SMCO4: variants seen among roughly 807,000 people sequenced by gnomAD.
SMCO4 encodes single-pass membrane protein with coiled-coil domains 4.
In SMCO4, 4 loss-of-function variants were observed where a neutral mutation model predicts 3.6. The ratio of observed to expected loss-of-function variants is 1.11; its 90% CI spans 0.54 to 2.53. The LOEUF is 2.53. Ranked by LOEUF, SMCO4 falls within the 30% of genes most tolerant of loss-of-function variation. SMCO4 has a pLI of 0.02. For synonymous variants in SMCO4, 36 were observed against 35.3 expected (o/e 1.02, Z -0.07); for missense variants, 70 against 80.8 (o/e 0.87, Z 0.51).
At chr11:93,528,271 T>C (rs964216576) in intron 1 of SMCO4, among the ~76,000 whole-genome samples, 5 of 152,222 alleles carry the variant, frequency 3.3e-5, no homozygotes, top group African/African-American at 1.2e-4. Context: ...CTGCCTTACT[T>C]ATAAATACAA....
chr11:93,537,629 T>C (rs189151631), intron 1 of SMCO4, among the ~76,000 whole-genome samples: 22 of 151,562 alleles, frequency 1.5e-4, no homozygotes, highest in Non-Finnish European at 2.8e-4. Flanking sequence ...GTTCAAGAGG[T>C]AGGCATGACA....
intron 1 of SMCO4, among the ~76,000 whole-genome samples, chr11:93,524,138 C>A (rs971555300): frequency 6.6e-6 from 1 of 152,146 alleles, no homozygotes; most frequent in Admixed American, 6.5e-5. Flanking sequence ...ACACATTGAG[C>A]CTGGGTGATC....
At chr11:93,480,154 C>A (rs2658798) in intron 2 of SMCO4, among the ~76,000 whole-genome samples, 2 of 152,024 alleles carry the variant, frequency 1.3e-5, no homozygotes, top group East Asian at 1.9e-4. Context: ...TGATTTAAAT[C>A]GAGTTTACTT....
chr11:93,518,469 C>T (rs561305862), intron 1 of SMCO4, among the ~76,000 whole-genome samples: 1 of 152,316 alleles, frequency 6.6e-6, no homozygotes, highest in South Asian at 2.1e-4. Context: ...GAGTATATAA[C>T]TAGGATGGAG....
chr11:93,540,948 C>T (rs75003423), intron 1 of SMCO4, among the ~76,000 whole-genome samples: 1,625 of 152,272 alleles, frequency 0.011, 31 homozygotes, highest in African/African-American at 0.037. Flanking sequence ...AATACCACTA[C>T]CTCAAACTCA....
intron 1 of SMCO4, among the ~76,000 whole-genome samples, chr11:93,523,532 G>A (rs543924953): frequency 6.6e-6 from 1 of 152,218 alleles, no homozygotes; most frequent in Admixed American, 6.5e-5. Context: ...GGTGGCACAT[G>A]CCTGTAGTCC....
chr11:93,551,996 A>G, the SMCO4 span, among the ~76,000 whole-genome samples: 3 of 152,160 alleles, frequency 2.0e-5, no homozygotes, highest in African/African-American at 7.2e-5. Flanking sequence ...TGCAACAGTC[A>G]TTGAACAACA....
chr11:93,488,749 G>T (rs1376866551), intron 2 of SMCO4, among the ~76,000 whole-genome samples: 1 of 152,170 alleles, frequency 6.6e-6, no homozygotes, highest in African/African-American at 2.4e-5. Flanking sequence ...GAATGGGCTG[G>T]AGACAGGACC....
intron 2 of SMCO4, among the ~76,000 whole-genome samples, chr11:93,481,042 GA>G (rs11480853): frequency 4.6e-4 from 69 of 149,094 alleles, no homozygotes; most frequent in African/African-American, 5.4e-4. Flanking sequence ...GGAACAGAGA[GA>G]AAAAAAAAAA....
intron 1 of SMCO4, among the ~76,000 whole-genome samples, chr11:93,525,333 T>C (rs1949096517): frequency 1.3e-5 from 2 of 152,208 alleles, no homozygotes; most frequent in South Asian, 4.1e-4. Flanking sequence ...TCTGAGCTTG[T>C]TGTGAGGATT....
intron 1 of SMCO4, among the ~76,000 whole-genome samples, chr11:93,535,279 G>A (rs1234266266): frequency 1.3e-5 from 2 of 152,148 alleles, no homozygotes; most frequent in African/African-American, 4.8e-5. Flanking sequence ...TGCCACCACT[G>A]GTGGCATGAC....
chr11:93,537,324 G>A (rs961206097), intron 1 of SMCO4, among the ~76,000 whole-genome samples: 1 of 152,122 alleles, frequency 6.6e-6, no homozygotes, highest in African/African-American at 2.4e-5. Context: ...CCTCCACTTC[G>A]GCAAACAGCC....
intron 2 of SMCO4, among the ~76,000 whole-genome samples, chr11:93,483,126 T>C (rs959328545): frequency 7.9e-5 from 12 of 151,624 alleles, no homozygotes; most frequent in African/African-American, 2.9e-4. Flanking sequence ...ACTGTGAGGG[T>C]TGGGGGACTA....
intron 1 of SMCO4, among the ~76,000 whole-genome samples, chr11:93,541,431 G>A (rs1043398728): frequency 9.2e-5 from 14 of 152,154 alleles, no homozygotes; most frequent in Non-Finnish European, 2.1e-4. Flanking sequence ...TGGAAAAGAT[G>A]GCAGAAGCAT....
intron 1 of SMCO4, among the ~76,000 whole-genome samples, chr11:93,501,001 C>A (rs947281178): frequency 6.6e-6 from 1 of 152,170 alleles, no homozygotes; most frequent in Non-Finnish European, 1.5e-5. Flanking sequence ...CTCCGAAGGG[C>A]AACTCTGCTA....
Position 93,514,374 on chromosome 11 carries a change from CTATATA to C in SMCO4, c.-153-15032_-153-15027del, listed in dbSNP as rs148462986. ...AAAGGAAAAATAAAACAGGATGAGG[CTATATA>C]TATATATATATATATATATATATAT... On this transcript the variant is annotated intron_variant, in intron 1 of 2. Transcript: ENST00000298966. Among the ~76,000 whole-genome samples, 229 of 39,008 alleles carry C rather than the reference CTATATA, an allele frequency of 5.9e-3. 1 individual carries two copies. Among genetic ancestry groups the C allele is most frequent in the Non-Finnish European group, 8.5e-3 (133 of 15,570 alleles). 25.6% of individuals were successfully genotyped at this position (39,008 alleles called of 152,430 possible).
At chr11:93,535,782 G>A (rs1949218156) in intron 1 of SMCO4, 9 of 1,586,286 alleles carry the variant, frequency 5.7e-6, no homozygotes, top group Non-Finnish European at 7.6e-6. Context: ...AAACTAAGAA[G>A]ACCAAAGCAG....
intron 1 of SMCO4, among the ~76,000 whole-genome samples, chr11:93,542,500 T>C (rs1949279124): frequency 6.6e-6 from 1 of 152,116 alleles, no homozygotes; most frequent in Admixed American, 6.5e-5. Flanking sequence ...CTCCTCAACT[T>C]CCTCAGGGCA....
intron 1 of SMCO4, among the ~76,000 whole-genome samples, chr11:93,508,364 C>T (rs910317728): frequency 6.6e-6 from 1 of 152,164 alleles, no homozygotes; most frequent in Non-Finnish European, 1.5e-5. Flanking sequence ...AAAAGTGCCT[C>T]TGCTCCATGA....
Sources: gnomAD v4.1 joint callset for allele counts (sites outside exome capture counted in the v4.1 genomes callset) on GRCh38, gnomAD v4.1.1 for gene constraint, MANE v1.5 for transcripts, NCBI Gene and HGNC (gene_info 2026-07-23, HGNC 2026-07-21) for gene names.